DOK6: variants seen among roughly 807,000 people sequenced by gnomAD.
The protein encoded by DOK6 is downstream of tyrosine kinase 6.
DOK6 carries 22 observed loss-of-function variants against 44.0 expected under a neutral mutation model. That is an observed-to-expected ratio of 0.50 (90% CI 0.36 to 0.71). The LOEUF (loss-of-function observed/expected upper bound fraction) is 0.71, where lower values mean the gene tolerates loss of function less well. DOK6 is among the 30% of genes least tolerant of loss of function. The pLI, the probability that DOK6 is intolerant of heterozygous loss-of-function variation, is 0.00. For synonymous variants in DOK6, 166 were observed against 145.5 expected, an observed-to-expected ratio of 1.14 and a Z score of -1.01; for missense variants, 340 against 416.4, an observed-to-expected ratio of 0.82 and a Z score of 1.60.
intron 5 of DOK6, among the ~76,000 whole-genome samples, chr18:69,722,503 G>A (rs1978290327): frequency 6.6e-6 from 1 of 152,150 alleles, no homozygotes; most frequent in South Asian, 2.1e-4. Flanking sequence ...GCTTGTAGAA[G>A]TCAGCTTCCC....
intron 7 of DOK6, among the ~76,000 whole-genome samples, chr18:69,827,534 T>C (rs532617640): frequency 6.6e-6 from 1 of 152,182 alleles, no homozygotes; most frequent in South Asian, 2.1e-4. Flanking sequence ...ATCAAACTTC[T>C]AGAAAGTAAG....
rs370916998 is a variant in DOK6 at position 69,803,004 on chromosome 18, T to A, written c.857-38240T>A. Among the ~76,000 whole-genome samples the A allele has an allele frequency of 4.5e-4, 69 of 152,186 alleles. No individual in the cohort carries two copies. The East Asian group carries it at 0.012, about 26-fold the overall frequency. ...CTCTTATTTTTAATAACTTTAAAAATGGAAGAAATGATAATTAGTAGCTAT... is the reference window on the plus strand; with the variant it reads ...CTCTTATTTTTAATAACTTTAAAAAAGGAAGAAATGATAATTAGTAGCTAT... On this transcript the variant is annotated intron_variant, in intron 7 of 7. Coordinates refer to ENST00000382713, the MANE Select transcript of DOK6 (RefSeq NM_152721.6).
intron 1 of DOK6, among the ~76,000 whole-genome samples, chr18:69,456,850 G>A (rs890469949): frequency 2.0e-5 from 3 of 152,142 alleles, no homozygotes; most frequent in Admixed American, 6.5e-5. Context: ...ATTTTGACTG[G>A]TGTGAAATGG....
chr18:69,644,499 T>C (rs1985021791), intron 3 of DOK6, among the ~76,000 whole-genome samples: 1 of 152,210 alleles, frequency 6.6e-6, no homozygotes, highest in South Asian at 2.1e-4. Context: ...CCAGTGCCAT[T>C]TAATGAAAAG....
chr18:69,412,066 C>G (rs1201852199), intron 1 of DOK6, among the ~76,000 whole-genome samples: 1 of 152,060 alleles, frequency 6.6e-6, no homozygotes, highest in Non-Finnish European at 1.5e-5. Flanking sequence ...AATAAAGTAT[C>G]AGTTTTATCT....
chr18:69,657,000 G>A (rs772029720), intron 3 of DOK6, among the ~76,000 whole-genome samples: 1 of 152,100 alleles, frequency 6.6e-6, no homozygotes, highest in African/African-American at 2.4e-5. Context: ...GATAGGAAAG[G>A]AGGACAGAAA....
intron 5 of DOK6, among the ~76,000 whole-genome samples, chr18:69,719,760 C>T (rs1986964911): frequency 1.3e-5 from 2 of 152,166 alleles, no homozygotes; most frequent in South Asian, 4.1e-4. Context: ...TGAGCAAGGA[C>T]AGTTATCTTA....
chr18:69,611,254 A>G lies in DOK6; in HGVS notation c.289+11756A>G, dbSNP rs1220636415. 1.3e-5 allele frequency among the ~76,000 whole-genome samples: 2 copies of G among 152,198 alleles called. 1 individual carries two copies. Among genetic ancestry groups the G allele is most frequent in the Non-Finnish European group, 2.9e-5 (2 of 68,042 alleles). ...GCAAATTAAAACTGCAGTGAGGTGC[A>G]TAGTGACACACCTGTCAGCATGACT... On this transcript the variant is annotated intron_variant, in intron 3 of 7. Transcript: ENST00000382713.
intron 3 of DOK6, among the ~76,000 whole-genome samples, chr18:69,632,430 T>C (rs2144647322): frequency 6.6e-6 from 1 of 152,354 alleles, no homozygotes. Context: ...TTTTTTTCCC[T>C]CTAAAATATT....
At chr18:69,824,201 C>CCTCCCCA (rs1981669203) in intron 7 of DOK6, among the ~76,000 whole-genome samples, 1 of 136,594 alleles carries the variant, frequency 7.3e-6, no homozygotes, top group Admixed American at 7.3e-5. Context: ...CCCCCTCCCC[C>CCTCCCCA]CACCCCACAA....
intron 3 of DOK6, among the ~76,000 whole-genome samples, chr18:69,610,925 A>C (rs1334731835): frequency 6.6e-6 from 1 of 152,132 alleles, no homozygotes; most frequent in Non-Finnish European, 1.5e-5. Flanking sequence ...GATATTTAGG[A>C]GCAACTGTCA....
chr18:69,642,614 A>G (rs1984971362), intron 3 of DOK6, among the ~76,000 whole-genome samples: 1 of 152,238 alleles, frequency 6.6e-6, no homozygotes, highest in African/African-American at 2.4e-5. Flanking sequence ...TTTTATTTCA[A>G]AATATTGACA....
intron 4 of DOK6, among the ~76,000 whole-genome samples, chr18:69,681,445 A>G (rs1986042067): frequency 6.6e-6 from 1 of 152,202 alleles, no homozygotes; most frequent in Non-Finnish European, 1.5e-5. Context: ...CCTTTGCTGT[A>G]ATCATCTTTA....
intron 1 of DOK6, among the ~76,000 whole-genome samples, chr18:69,548,513 G>A (rs1009903893): frequency 5.3e-5 from 8 of 151,424 alleles, no homozygotes; most frequent in Admixed American, 3.3e-4. Flanking sequence ...TACAAAGGAC[G>A]GCCCATAATG....
intron 1 of DOK6, among the ~76,000 whole-genome samples, chr18:69,536,145 G>A (rs955310477): frequency 2.0e-5 from 3 of 152,078 alleles, no homozygotes; most frequent in Non-Finnish European, 4.4e-5. Context: ...GTTCTTCAAG[G>A]ATATAAGAAA....
chr18:69,729,397 A>G (rs867009744), intron 5 of DOK6, among the ~76,000 whole-genome samples: 1 of 152,318 alleles, frequency 6.6e-6, no homozygotes, highest in African/African-American at 2.4e-5. Flanking sequence ...CCTTCATTAT[A>G]TCTTTCCCAA....
chr18:69,729,218 A>G (rs956342360), intron 5 of DOK6, among the ~76,000 whole-genome samples: 5 of 152,200 alleles, frequency 3.3e-5, no homozygotes, highest in Non-Finnish European at 7.3e-5. Context: ...TACAACATAC[A>G]AATACTAAAT....
At chr18:69,459,107 C>CG (rs1176187605) in intron 1 of DOK6, among the ~76,000 whole-genome samples, 3 of 139,818 alleles carry the variant, frequency 2.1e-5, no homozygotes, top group African/African-American at 7.9e-5. Context: ...CAACCCCCCC[C>CG]CCAAAAAAAA....
At position 69,522,622 on chromosome 18, in the gene DOK6, A is replaced by G. The variant is rs544635215; in HGVS notation, c.67-41865A>G. On this transcript the variant is annotated intron_variant, in intron 1 of 7. Coordinates refer to ENST00000382713, the MANE Select transcript of DOK6 (RefSeq NM_152721.6). Reference sequence around the variant, plus strand: ...CAAAAAAGTAGAGACTCACAAAACTAAATTATTCTTTCTCAGAGAAATATC... The same window carrying G: ...CAAAAAAGTAGAGACTCACAAAACTGAATTATTCTTTCTCAGAGAAATATC... 2.0e-5 allele frequency among the ~76,000 whole-genome samples: 3 copies of G among 152,202 alleles called. No homozygotes were observed. The East Asian group carries it at 5.8e-4, about 29-fold the overall frequency.
Sources: gnomAD v4.1 joint callset for allele counts (sites outside exome capture counted in the v4.1 genomes callset) on GRCh38, gnomAD v4.1.1 for gene constraint, MANE v1.5 for transcripts, NCBI Gene and HGNC (gene_info 2026-07-23, HGNC 2026-07-21) for gene names.